ITGA11: variants seen among roughly 807,000 people sequenced by gnomAD.
The protein encoded by ITGA11 is integrin alpha-11.
A neutral mutation model predicts 141.9 loss-of-function variants in ITGA11; 97 were observed. The observed-to-expected ratio is 0.68, with a 90% confidence interval of 0.58 to 0.81. The LOEUF is 0.81. ITGA11 is among the 30% of genes least tolerant of loss of function. The probability of loss-of-function intolerance (pLI) is 0.00; values close to 1 mark genes in which losing one functional copy is unlikely to be tolerated. For synonymous variants in ITGA11, 658 were observed against 624.6 expected, an observed-to-expected ratio of 1.05 and a Z score of -0.80; for missense variants, 1,387 against 1,559.2, an observed-to-expected ratio of 0.89 and a Z score of 1.86.
chr15:68,361,718 T>A lies in ITGA11; in HGVS notation c.358-14A>T. On this transcript the variant is annotated splice_polypyrimidine_tract_variant and intron_variant, in intron 4 of 29. Transcript: ENST00000315757. ...GGGGCTGCAGGCCTGGGGAGGGCAG[T>A]GCAGATCCCCAGTCAGTGAGGGGAC... 6.4e-7 allele frequency: 1 copy of A among 1,555,796 alleles called. No individual in the cohort carries two copies. The highest frequency in any genetic ancestry group is 2.3e-5 in the East Asian group (1 of 43,604).
rs1017316737 is a variant in ITGA11 at position 68,321,041 on chromosome 15, G to A, written c.2408+377C>T. Among the ~76,000 whole-genome samples, 2 of 152,128 alleles carry A rather than the reference G, an allele frequency of 1.3e-5. No homozygotes were observed. The highest frequency in any genetic ancestry group is 4.8e-5 in the African/African-American group (2 of 41,418). ...CATCAGAAGGATTGGAAAGCCCAAG[G>A]TGTTCAGCCAGCGGGCCTAGAGGTC... On this transcript the variant is annotated intron_variant, in intron 19 of 29. Transcript: ENST00000315757. The surrounding 1 kb of genome is among the most constrained non-coding windows in gnomAD (Gnocchi z 4.9).
rs1892968116 is a variant in ITGA11 at position 68,299,031 on chromosome 15, C to G, written c.*4028G>C. ...CTCTAGCCTGGGCAACAGAGTGAGACACTGTCTCAAAACAAACCATGCAAA... is the reference window on the plus strand; with the variant it reads ...CTCTAGCCTGGGCAACAGAGTGAGAGACTGTCTCAAAACAAACCATGCAAA... On this transcript the variant is annotated 3_prime_UTR_variant, in exon 30 of 30. Transcript: ENST00000315757. 6.6e-6 allele frequency: 1 copy of G among 152,200 alleles called. No individual in the cohort carries two copies. Among genetic ancestry groups the G allele is most frequent in the Non-Finnish European group, 1.5e-5 (1 of 68,050 alleles). 9.4% of individuals were successfully genotyped at this position (152,200 alleles called of 1,614,324 possible). A position where few individuals can be genotyped will look rare whatever the true frequency, so the allele number is the denominator to read the frequency against.
chr15:68,410,085 A>C (rs1408299250), intron 1 of ITGA11, among the ~76,000 whole-genome samples: 1 of 152,136 alleles, frequency 6.6e-6, no homozygotes, highest in Non-Finnish European at 1.5e-5. Context: ...CTTGATCACA[A>C]CAAGTGGAAC....
rs762150426 is a variant in ITGA11 at position 68,335,814 on chromosome 15, C to T, written c.1308G>A (p.Arg436=). ...CTCCGGCCACGTACACCCGCCCCTG[C>T]CTGGAGGACACGACCGATGTGACTG... ...GYTVTSVVSS[R]QGRVYVAGAP... Residue 436 remains arginine, a synonymous_variant, in exon 12 of 30, where the codon AGG becomes AGA. Transcript: ENST00000315757. The surrounding 1 kb of genome is among the most constrained non-coding windows in gnomAD (Gnocchi z 4.9). The T allele has an allele frequency of 1.4e-5, 22 of 1,613,282 alleles. No individual in the cohort carries two copies. In the Admixed American group the frequency reaches 3.0e-4, roughly 22 times the overall value.
intron 2 of ITGA11, among the ~76,000 whole-genome samples, chr15:68,395,975 A>G (rs1398043168): frequency 6.6e-6 from 1 of 151,952 alleles, no homozygotes; most frequent in Non-Finnish European, 1.5e-5. Flanking sequence ...TAAAGAAGCA[A>G]TAATACAGAT....
At chr15:68,375,223 C>T (rs1895698603) in intron 2 of ITGA11, among the ~76,000 whole-genome samples, 1 of 152,242 alleles carries the variant, frequency 6.6e-6, no homozygotes, top group East Asian at 1.9e-4. Flanking sequence ...CTTAAACCCA[C>T]ATGGTCCCTT....
At position 68,326,759 on chromosome 15, in the gene ITGA11, A is replaced by T. The variant is rs1207406262; in HGVS notation, c.2106T>A (p.Tyr702Ter). 6.3e-7 allele frequency: 1 copy of T among 1,581,290 alleles called. No homozygotes were observed. The highest frequency in any genetic ancestry group is 8.6e-7 in the Non-Finnish European group (1 of 1,163,348). ...RYNATMDERRYTPRAHLDEGG... is the reference protein window; with the variant it reads ...RYNATMDERR ...CCTCGTCCAGGTGGGCCCTCGGTGT[A>T]TACCGCCTCTCATCCATGGTGGCGT... Residue 702 changes from tyrosine to a stop codon, truncating the protein, a stop_gained, in exon 17 of 30, where the codon TAT becomes TAA. Coordinates refer to ENST00000315757, the MANE Select transcript of ITGA11 (RefSeq NM_001004439.2). LOFTEE classifies it high-confidence loss of function. The surrounding 1 kb of genome is among the most constrained non-coding windows in gnomAD (Gnocchi z 6.8).
chr15:68,323,120 C>A (rs1288107414), intron 18 of ITGA11, among the ~76,000 whole-genome samples: 1 of 152,216 alleles, frequency 6.6e-6, no homozygotes, highest in African/African-American at 2.4e-5. Context: ...CAGATCCACA[C>A]GCTCTTGCTT....
chr15:68,410,629 C>T lies in ITGA11; in HGVS notation c.53-7600G>A, dbSNP rs1896752565. On this transcript the variant is annotated intron_variant, in intron 1 of 29. Transcript: ENST00000315757. ...TTGCTGCCCCTTTTGCCCTGGCGAG[C>T]AGGGAACATGTGAGGGTTCTTGCTC... is the stretch of plus-strand genomic sequence containing the variant. Among the ~76,000 whole-genome samples the T allele has an allele frequency of 3.3e-5, 5 of 152,336 alleles. No individual in the cohort carries two copies. The South Asian group carries it at 8.3e-4, about 25-fold the overall frequency.
intron 10 of ITGA11, 30 bp from the exon 11 acceptor site, chr15:68,339,674 A>C (rs764894282): frequency 6.2e-7 from 1 of 1,611,498 alleles, no homozygotes; most frequent in Non-Finnish European, 8.5e-7. Flanking sequence ...ACACATCAGC[A>C]CCTGTCCTCA....
intron 13 of ITGA11, 108 bp downstream of exon 13, chr15:68,332,230 C>T (rs1894195527): frequency 7.2e-7 from 1 of 1,380,400 alleles, no homozygotes. Flanking sequence ...CTCCCCAGGC[C>T]TGGCTCCAGC....
intron 1 of ITGA11, among the ~76,000 whole-genome samples, chr15:68,420,269 A>G (rs1271959060): frequency 1.3e-5 from 2 of 152,180 alleles, no homozygotes; most frequent in Non-Finnish European, 2.9e-5. Flanking sequence ...AGGAAGTCCC[A>G]TTATATAACT....
intron 22 of ITGA11, among the ~76,000 whole-genome samples, chr15:68,315,341 C>G (rs1375102288): frequency 6.6e-6 from 1 of 152,174 alleles, no homozygotes; most frequent in Non-Finnish European, 1.5e-5. Context: ...TTTGCCTGTA[C>G]AATGCTTTAT....
chr15:68,301,089 AT>A lies in ITGA11; in HGVS notation c.*1969del, dbSNP rs1893013656. The A allele has an allele frequency of 6.6e-6, 1 of 152,194 alleles. No homozygotes were observed. The allele number at this position is 152,194 out of a possible 1,614,324, so 9.4% of individuals were successfully genotyped here. On this transcript the variant is annotated 3_prime_UTR_variant, in exon 30 of 30. Coordinates refer to ENST00000315757, the MANE Select transcript of ITGA11 (RefSeq NM_001004439.2). The surrounding 1 kb of genome is among the most constrained non-coding windows in gnomAD (Gnocchi z 4.4). ...GAAGGCAATGGGTTTTGATACTCAA[AT>A]TTTAGTTTCACCATTTTCACCTTTT...
At chr15:68,421,147 G>T (rs1335112039) in intron 1 of ITGA11, among the ~76,000 whole-genome samples, 1 of 11,230 alleles carries the variant, frequency 8.9e-5, no homozygotes, top group Admixed American at 6.6e-4. Context: ...GGTTTTTGAG[G>T]GAGAGCAGTG....
chr15:68,349,315 A>C (rs1257961971), intron 9 of ITGA11, among the ~76,000 whole-genome samples: 1 of 152,218 alleles, frequency 6.6e-6, no homozygotes, highest in African/African-American at 2.4e-5. Flanking sequence ...CTTTGGTTCC[A>C]GATGTCTTTG....
Position 68,297,385 on chromosome 15 carries a change from T to C in ITGA11, c.*5674A>G, listed in dbSNP as rs766172441. 1 of 151,932 alleles carries C rather than the reference T, an allele frequency of 6.6e-6. No individual in the cohort carries two copies. Among genetic ancestry groups the C allele is most frequent in the Non-Finnish European group, 1.5e-5 (1 of 67,980 alleles). The allele number at this position is 151,932 out of a possible 1,614,324, so 9.4% of individuals were successfully genotyped here. A position where few individuals can be genotyped will look rare whatever the true frequency, so the allele number is the denominator to read the frequency against. ...TGTTAAGAGATTATTTCGTTTAGCATTGAATTAATAGATTTAGGGACATCT... is the reference window on the plus strand; with the variant it reads ...TGTTAAGAGATTATTTCGTTTAGCACTGAATTAATAGATTTAGGGACATCT... On this transcript the variant is annotated 3_prime_UTR_variant, in exon 30 of 30. Coordinates refer to ENST00000315757, the MANE Select transcript of ITGA11 (RefSeq NM_001004439.2).
At chr15:68,352,746 G>A (rs565563149) in intron 7 of ITGA11, among the ~76,000 whole-genome samples, 2 of 152,152 alleles carry the variant, frequency 1.3e-5, no homozygotes, top group African/African-American at 4.8e-5. Context: ...AGTGCCCAGA[G>A]CATGAGCTCA....
rs1004408494 is a variant in ITGA11 at position 68,303,448 on chromosome 15, G to T, written c.3496-318C>A. ...AGGGGTTTGTAACCAGAGCTTCAGAGACAGAGATGGACTTCGGGAGGTTTG... is the reference window on the plus strand; with the variant it reads ...AGGGGTTTGTAACCAGAGCTTCAGATACAGAGATGGACTTCGGGAGGTTTG... On this transcript the variant is annotated intron_variant, in intron 29 of 29. Transcript: ENST00000315757. The surrounding 1 kb of genome is among the most constrained non-coding windows in gnomAD (Gnocchi z 5.3). Among the ~76,000 whole-genome samples, 2 of 152,202 alleles carry T rather than the reference G, an allele frequency of 1.3e-5. No homozygotes were observed. Among genetic ancestry groups the T allele is most frequent in the African/African-American group, 4.8e-5 (2 of 41,448 alleles).
Sources: gnomAD v4.1 joint callset for allele counts (sites outside exome capture counted in the v4.1 genomes callset) on GRCh38, gnomAD v4.1.1 for gene constraint, Gnocchi (gnomAD v3.1) non-coding constraint, MANE v1.5 for transcripts, NCBI Gene and HGNC (gene_info 2026-07-23, HGNC 2026-07-21) for gene names.